The following HSD17B2 variants were observed in gnomAD, a reference collection of about 807,000 sequenced individuals.
HSD17B2 encodes 17-beta-hydroxysteroid dehydrogenase type 2.
Under a neutral mutation model 26.9 loss-of-function variants are expected in HSD17B2, and 32 were observed. That is an observed-to-expected ratio of 1.19 (90% CI 0.90 to 1.60). HSD17B2 has a LOEUF of 1.60. HSD17B2 is among the 40% of genes most tolerant of loss of function. The pLI, the probability that HSD17B2 is intolerant of heterozygous loss-of-function variation, is 0.00. For missense variants in HSD17B2, 613 were observed against 468.6 expected (o/e 1.31, Z -2.85); for synonymous variants, 246 against 186.7 (o/e 1.32, Z -2.59).
intron 1 of HSD17B2, among the ~76,000 whole-genome samples, chr16:82,061,661 A>G (rs555275883): frequency 1.3e-5 from 2 of 152,350 alleles, no homozygotes; most frequent in East Asian, 1.9e-4. Context: ...TATGTGTGCT[A>G]TAACTGTTAA....
At chr16:82,051,385 A>ATTAT (rs1914101762) in intron 1 of HSD17B2, among the ~76,000 whole-genome samples, 1 of 152,226 alleles carries the variant, frequency 6.6e-6, no homozygotes, top group Non-Finnish European at 1.5e-5. Context: ...AAGACCATGG[A>ATTAT]CTAAAAAGGA....
At chr16:82,042,897 A>T (rs1032367037) in intron 1 of HSD17B2, among the ~76,000 whole-genome samples, 1 of 152,226 alleles carries the variant, frequency 6.6e-6, no homozygotes, top group African/African-American at 2.4e-5. Context: ...CTGGCATTAC[A>T]GGTGTAAGCC....
intron 3 of HSD17B2, among the ~76,000 whole-genome samples, chr16:82,078,412 G>A (rs1376209567): frequency 6.6e-6 from 1 of 152,196 alleles, no homozygotes; most frequent in East Asian, 1.9e-4. Flanking sequence ...TGTGGAGAAA[G>A]AGAACCCTTG....
rs1340634244 is a variant in HSD17B2, at chr16:82,049,303, A to C, written c.265+13614A>C. ...GATGCCACTGAACATTCTATAATGC[A>C]AAGGACAGCCCCTACCACAAAAAAT... On this transcript the variant is annotated intron_variant, in intron 1 of 4. Coordinates refer to ENST00000199936, the MANE Select transcript of HSD17B2 (RefSeq NM_002153.3). Among the ~76,000 whole-genome samples the C allele has an allele frequency of 3.9e-5, 6 of 152,192 alleles. No individual in the cohort carries two copies. The East Asian group carries it at 1.2e-3, about 29-fold the overall frequency.
chr16:82,059,475 C>A (rs193038362), intron 1 of HSD17B2, among the ~76,000 whole-genome samples: 1 of 152,146 alleles, frequency 6.6e-6, no homozygotes, highest in Non-Finnish European at 1.5e-5. Context: ...CAGTGGATAC[C>A]GACCCCTATC....
intron 1 of HSD17B2, among the ~76,000 whole-genome samples, chr16:82,047,555 G>T (rs1421689613): frequency 6.6e-6 from 1 of 152,204 alleles, no homozygotes; most frequent in African/African-American, 2.4e-5. Flanking sequence ...AGTATAATGT[G>T]TGAGAGTTCA....
chr16:82,040,393 G>C (rs537828084), intron 1 of HSD17B2, among the ~76,000 whole-genome samples: 25 of 152,278 alleles, frequency 1.6e-4, no homozygotes, highest in African/African-American at 5.8e-4. Context: ...TTTTATATTT[G>C]ATTCTCACAA....
chr16:82,057,219 A>T (rs1298652589), intron 1 of HSD17B2, among the ~76,000 whole-genome samples: 6 of 147,422 alleles, frequency 4.1e-5, no homozygotes, highest in Admixed American at 3.4e-4. Flanking sequence ...TTTTTTTTTG[A>T]GAGAGAGTCC....
intron 1 of HSD17B2, among the ~76,000 whole-genome samples, chr16:82,040,333 A>G (rs912685246): frequency 6.6e-6 from 1 of 152,220 alleles, no homozygotes; most frequent in Non-Finnish European, 1.5e-5. Flanking sequence ...TTGACAGTGG[A>G]CTAAGAGACT....
intron 3 of HSD17B2, among the ~76,000 whole-genome samples, chr16:82,089,802 G>C (rs141110889): frequency 6.6e-6 from 1 of 152,076 alleles, no homozygotes; most frequent in Non-Finnish European, 1.5e-5. Context: ...TTCTGTCTCT[G>C]ATAAGGACAC....
chr16:82,098,374 G>A lies in HSD17B2; in HGVS notation c.1102G>A (p.Gly368Ser), dbSNP rs779276391. The change falls in exon 5 of 5, where the codon GGC becomes AGC. Residue 368 changes from glycine (G) to serine (S), a missense_variant. By Grantham distance (56) the Gly-to-Ser change is moderately conservative (BLOSUM62 0). Transcript: ENST00000199936. Reference protein sequence around the residue: ...IYDYFAKRHFGQDKPMPRALR... With the variant: ...IYDYFAKRHFSQDKPMPRALR... ...TGATTACTTTGCTAAAAGACATTTT[G>A]GCCAAGACAAGCCCATGCCCAGAGC... 4 of 1,614,020 alleles carry A rather than the reference G, an allele frequency of 2.5e-6. No individual in the cohort carries two copies. The Admixed American group carries it at 5.0e-5, about 20-fold the overall frequency.
Position 82,098,363 on chromosome 16 carries a change from AAAGACATTTTGGCC to A in HSD17B2, c.1098_1111del (p.His366GlnfsTer11), listed in dbSNP as rs779030544. 1.4e-5 allele frequency: 22 copies of A among 1,614,054 alleles called. No homozygotes were observed. In the South Asian group the frequency reaches 1.6e-4, roughly 12 times the overall value. On this transcript the variant is annotated frameshift_variant, in exon 5 of 5. Coordinates refer to ENST00000199936, the MANE Select transcript of HSD17B2 (RefSeq NM_002153.3). LOFTEE classifies it low-confidence loss of function (END_TRUNC). ...ATTGGCATATATGATTACTTTGCTA[AAAGACATTTTGGCC>A]AAGACAAGCCCATGCCCAGAGCTCT...
chr16:82,085,021 T>C (rs1324067815), intron 3 of HSD17B2, among the ~76,000 whole-genome samples: 2 of 152,230 alleles, frequency 1.3e-5, no homozygotes, highest in Admixed American at 1.3e-4. Flanking sequence ...ACTGAGGCCG[T>C]CCCAAGCTAT....
chr16:82,051,487 G>T (rs1325454167), intron 1 of HSD17B2, among the ~76,000 whole-genome samples: 1 of 151,880 alleles, frequency 6.6e-6, no homozygotes, highest in Non-Finnish European at 1.5e-5. Flanking sequence ...AGTACCGCAT[G>T]TTCTCACTCA....
At chr16:82,064,384 C>A (rs1441359637) in intron 1 of HSD17B2, among the ~76,000 whole-genome samples, 2 of 152,048 alleles carry the variant, frequency 1.3e-5, no homozygotes, top group African/African-American at 2.4e-5. Flanking sequence ...GTTGGGTATA[C>A]CATATTTTTT....
intron 3 of HSD17B2, among the ~76,000 whole-genome samples, chr16:82,075,517 G>A (rs1201210438): frequency 6.6e-6 from 1 of 152,062 alleles, no homozygotes; most frequent in East Asian, 1.9e-4. Flanking sequence ...ATAAAAATCA[G>A]AGATGACAAA....
chr16:82,068,042 C>T (rs1914612071), intron 1 of HSD17B2, 128 bp from the exon 2 acceptor site: 2 of 795,898 alleles, frequency 2.5e-6, no homozygotes, highest in South Asian at 3.5e-5. Context: ...CATAAAGAAA[C>T]TTCCTCAGGA....
At chr16:82,096,164 T>C (rs915903384) in intron 4 of HSD17B2, 1 of 152,232 alleles carries the variant, frequency 6.6e-6, no homozygotes, top group Non-Finnish European at 1.5e-5. Context: ...TCATATATTT[T>C]TAAAAACATA....
intron 1 of HSD17B2, among the ~76,000 whole-genome samples, chr16:82,048,224 G>T (rs1325957653): frequency 6.6e-6 from 1 of 152,130 alleles, no homozygotes; most frequent in East Asian, 1.9e-4. Context: ...GGCACTGGGC[G>T]GTGGGGTCCA....
Sources: gnomAD v4.1 joint callset for allele counts (sites outside exome capture counted in the v4.1 genomes callset) on GRCh38, gnomAD v4.1.1 for gene constraint, MANE v1.5 for transcripts, NCBI Gene and HGNC (gene_info 2026-07-23, HGNC 2026-07-21) for gene names.